LSAMP: variants seen among roughly 807,000 people sequenced by gnomAD.
The protein encoded by LSAMP is limbic system-associated membrane protein.
Under a neutral mutation model 38.6 loss-of-function variants are expected in LSAMP, and 7 were observed. The ratio of observed to expected loss-of-function variants is 0.18; its 90% CI spans 0.10 to 0.34. The LOEUF (loss-of-function observed/expected upper bound fraction) is 0.34, where lower values mean the gene tolerates loss of function less well. LSAMP is among the 10% of genes least tolerant of loss of function. LSAMP has a pLI of 1.00. For synonymous variants in LSAMP, 154 were observed against 166.8 expected (o/e 0.92, Z 0.59); for missense variants, 313 against 420.0 (o/e 0.75, Z 2.23).
chr3:115,982,388 T>G (rs1939387856), intron 3 of LSAMP, among the ~76,000 whole-genome samples: 1 of 152,212 alleles, frequency 6.6e-6, no homozygotes, highest in African/African-American at 2.4e-5. Context: ...TGGATGCCTA[T>G]TAGTCCACAC....
chr3:116,333,689 A>G (rs1419098948), intron 1 of LSAMP, among the ~76,000 whole-genome samples: 1 of 152,166 alleles, frequency 6.6e-6, no homozygotes, highest in East Asian at 1.9e-4. Context: ...GGAAGAAATC[A>G]CAAGTGAAAT....
chr3:116,304,260 A>AAATG (rs747746017), intron 1 of LSAMP, among the ~76,000 whole-genome samples: 1 of 152,222 alleles, frequency 6.6e-6, no homozygotes, highest in African/African-American at 2.4e-5. Flanking sequence ...AATCATAAAA[A>AAATG]AATGAATAAG....
intron 1 of LSAMP, among the ~76,000 whole-genome samples, chr3:116,101,710 A>G (rs1370266950): frequency 6.6e-6 from 1 of 152,158 alleles, no homozygotes; most frequent in African/African-American, 2.4e-5. Flanking sequence ...ACAGTAAATT[A>G]AAAAATAAAT....
In LSAMP at chr3:116,247,380, T is replaced by C. The variant is rs2046618121; in HGVS notation, c.156-160824A>G. ...TGTACCTGTCACACGGTTTCTTAATTTGTGAATAAAGAAAATTGCTATATA... is the reference window on the plus strand; with the variant it reads ...TGTACCTGTCACACGGTTTCTTAATCTGTGAATAAAGAAAATTGCTATATA... On this transcript the variant is annotated intron_variant, in intron 1 of 6. Coordinates refer to ENST00000490035, the MANE Select transcript of LSAMP (RefSeq NM_002338.5). Among the ~76,000 whole-genome samples, 3 of 152,308 alleles carry C rather than the reference T, an allele frequency of 2.0e-5. No homozygotes were observed. In the South Asian group the frequency reaches 6.2e-4, roughly 32 times the overall value.
At chr3:115,861,284 G>C (rs969209410) in intron 3 of LSAMP, among the ~76,000 whole-genome samples, 2 of 150,172 alleles carry the variant, frequency 1.3e-5, no homozygotes, top group African/African-American at 4.9e-5. Context: ...TTTGTTTAAA[G>C]TCCTTTATAC....
chr3:116,378,833 T>C (rs574721842), intron 1 of LSAMP, among the ~76,000 whole-genome samples: 1 of 152,072 alleles, frequency 6.6e-6, no homozygotes, highest in Non-Finnish European at 1.5e-5. Context: ...GTCTATAAGA[T>C]ACATAAGATC....
At chr3:115,888,388 G>A (rs1936510560) in intron 3 of LSAMP, among the ~76,000 whole-genome samples, 1 of 151,766 alleles carries the variant, frequency 6.6e-6, no homozygotes, top group African/African-American at 2.4e-5. Context: ...CCCAAACCTA[G>A]ATTTACTTGG....
chr3:115,816,995 A>C (rs1397985279), intron 6 of LSAMP, among the ~76,000 whole-genome samples: 5 of 152,174 alleles, frequency 3.3e-5, no homozygotes, highest in Non-Finnish European at 7.3e-5. Context: ...TCCGATCCAT[A>C]ACCTCGTCCT....
At chr3:116,271,480 G>C (rs1372416029) in intron 1 of LSAMP, among the ~76,000 whole-genome samples, 1 of 152,038 alleles carries the variant, frequency 6.6e-6, no homozygotes, top group African/African-American at 2.4e-5. Context: ...GCTAGAACTT[G>C]ATATAATACT....
chr3:115,909,230 G>A (rs900780888), intron 3 of LSAMP, among the ~76,000 whole-genome samples: 1 of 152,102 alleles, frequency 6.6e-6, no homozygotes, highest in South Asian at 2.1e-4. Context: ...GATGCCTTCT[G>A]AAATTCCACG....
intron 1 of LSAMP, among the ~76,000 whole-genome samples, chr3:116,244,948 A>C (rs6778040): frequency 0.7 from 105,737 of 152,060 alleles, 38,544 homozygotes; most frequent in South Asian, 0.84. Flanking sequence ...TCTATAAGTA[A>C]AACTTCCTTT....
chr3:116,004,668 A>G (rs1940106189), intron 3 of LSAMP, among the ~76,000 whole-genome samples: 4 of 151,902 alleles, frequency 2.6e-5, no homozygotes, highest in Admixed American at 2.6e-4. Flanking sequence ...ATATGTATGT[A>G]CTTTTATACC....
At chr3:115,908,971 T>C (rs1359929061) in intron 3 of LSAMP, among the ~76,000 whole-genome samples, 1 of 152,210 alleles carries the variant, frequency 6.6e-6, no homozygotes, top group Non-Finnish European at 1.5e-5. Flanking sequence ...TTGTATCCCA[T>C]GATCATGTAC....
chr3:116,234,919 G>C (rs1288810656), intron 1 of LSAMP, among the ~76,000 whole-genome samples: 1 of 151,964 alleles, frequency 6.6e-6, no homozygotes, highest in Non-Finnish European at 1.5e-5. Flanking sequence ...CTTCAAAATT[G>C]ATAGCTCATA....
At chr3:115,826,594 C>T (rs1321118764) in intron 6 of LSAMP, among the ~76,000 whole-genome samples, 1 of 152,180 alleles carries the variant, frequency 6.6e-6, no homozygotes, top group African/African-American at 2.4e-5. Flanking sequence ...AGTGCAGAGG[C>T]TGTACCTGCT....
In LSAMP at chr3:116,190,280, GT is replaced by G. The variant is rs146060217; in HGVS notation, c.156-103725del. On this transcript the variant is annotated intron_variant, in intron 1 of 6. Coordinates refer to ENST00000490035, the MANE Select transcript of LSAMP (RefSeq NM_002338.5). ...AATTAAGCATCTATACTTGCAGTGA[GT>G]GATAGATTTACCTTCCTTTCCCCCC... 6.7e-3 allele frequency among the ~76,000 whole-genome samples: 1,027 copies of G among 152,234 alleles called. 10 individuals are homozygous for G. The highest frequency in any genetic ancestry group is 0.024 in the African/African-American group (978 of 41,526).
chr3:115,917,419 T>G (rs1157032631), intron 3 of LSAMP, among the ~76,000 whole-genome samples: 1 of 152,194 alleles, frequency 6.6e-6, no homozygotes. Flanking sequence ...TCTCAGTGAT[T>G]TCCTCTTTAT....
chr3:115,952,223 C>G (rs749690669), intron 3 of LSAMP, among the ~76,000 whole-genome samples: 1 of 152,126 alleles, frequency 6.6e-6, no homozygotes, highest in East Asian at 1.9e-4. Context: ...TGGGTATCTA[C>G]CCAGAGGAAA....
chr3:116,229,696 A>C (rs762629607), intron 1 of LSAMP, among the ~76,000 whole-genome samples: 5 of 152,180 alleles, frequency 3.3e-5, no homozygotes, highest in Non-Finnish European at 1.5e-5. Context: ...TCACATATTT[A>C]AAAAAGATGA....
Sources: allele counts gnomAD v4.1 joint callset (sites outside exome capture counted in the v4.1 genomes callset), GRCh38; gene constraint gnomAD v4.1.1; transcripts MANE v1.5; gene names NCBI Gene and HGNC (gene_info 2026-07-23, HGNC 2026-07-21).